SLC15A5: variants seen among roughly 807,000 people sequenced by gnomAD.
SLC15A5 encodes the protein solute carrier family 15 member 5, also known as Peptide/histidine transporter ENSP00000340402.
In SLC15A5, 58 loss-of-function variants were observed where a neutral mutation model predicts 56.1. That is an observed-to-expected ratio of 1.03 (90% CI 0.84 to 1.29). The LOEUF (loss-of-function observed/expected upper bound fraction) is 1.29. SLC15A5 is among the 50% of genes most tolerant of loss of function. SLC15A5 has a pLI of 0.00. For synonymous variants in SLC15A5, 264 were observed against 250.5 expected, an observed-to-expected ratio of 1.05 and a Z score of -0.51; for missense variants, 681 against 672.1, an observed-to-expected ratio of 1.01 and a Z score of -0.15.
At chr12:16,215,214 A>C (rs771192174) in intron 7 of SLC15A5, among the ~76,000 whole-genome samples, 1,644 of 142,098 alleles carry the variant, frequency 0.012, 42 homozygotes, top group Non-Finnish European at 0.019. Context: ...AAAAAAAAAA[A>C]AAAAAAAAAA....
intron 2 of SLC15A5, among the ~76,000 whole-genome samples, chr12:16,272,177 C>G (rs570605704): frequency 1.3e-5 from 2 of 152,216 alleles, no homozygotes; most frequent in South Asian, 4.1e-4. Context: ...GGTATTATCC[C>G]CCTTCAGAAA....
At chr12:16,239,986 C>T (rs1864397059) in intron 4 of SLC15A5, 119 bp from the exon 5 acceptor site, 1 of 943,314 alleles carries the variant, frequency 1.1e-6, no homozygotes, top group Non-Finnish European at 1.5e-6. Flanking sequence ...TGGATGTTGC[C>T]TAGTTTTTCA....
intron 7 of SLC15A5, among the ~76,000 whole-genome samples, chr12:16,210,152 A>T (rs1864064736): frequency 6.6e-6 from 1 of 152,142 alleles, no homozygotes; most frequent in Non-Finnish European, 1.5e-5. Context: ...TCTCTACCAG[A>T]AAAACCTCAT....
intron 8 of SLC15A5, among the ~76,000 whole-genome samples, chr12:16,191,136 G>A (rs1269292810): frequency 6.6e-6 from 1 of 152,072 alleles, no homozygotes; most frequent in Non-Finnish European, 1.5e-5. Context: ...TGATTGTGGA[G>A]GGGTTGTTTT....
intron 1 of SLC15A5, among the ~76,000 whole-genome samples, chr12:16,275,035 C>T (rs1016115064): frequency 6.6e-6 from 1 of 152,002 alleles, no homozygotes; most frequent in African/African-American, 2.4e-5. Context: ...TACCCCCTGC[C>T]AGGTGATGGG....
chr12:16,245,324 T>C (rs1280923614), intron 3 of SLC15A5, among the ~76,000 whole-genome samples: 1 of 152,196 alleles, frequency 6.6e-6, no homozygotes, highest in Non-Finnish European at 1.5e-5. Context: ...AAGGTTAGAC[T>C]ATGAACTCTC....
intron 2 of SLC15A5, among the ~76,000 whole-genome samples, chr12:16,264,982 G>A (rs1864679809): frequency 6.6e-6 from 1 of 152,170 alleles, no homozygotes; most frequent in Non-Finnish European, 1.5e-5. Context: ...TAGAAGAAAA[G>A]ATAAACCAGG....
chr12:16,272,625 A>G lies in SLC15A5; in HGVS notation c.520T>C (p.Cys174Arg). The G allele has an allele frequency of 6.5e-7, 1 of 1,537,018 alleles. No individual in the cohort carries two copies. Among genetic ancestry groups the G allele is most frequent in the Non-Finnish European group, 8.7e-7 (1 of 1,146,698 alleles). The change falls in exon 2 of 9, where the codon TGT becomes CGT. Residue 174 changes from cysteine (C) to arginine (R), a missense_variant. Coordinates refer to ENST00000344941, the MANE Select transcript of SLC15A5 (RefSeq NM_001170798.1). ...LGIGGVRAIV[C>R]PLGAFGLQEY... ...TGAAGGCCAAAAGCACCCAGTGGAC[A>G]GACGATGGCTCTTACGCCTCCAATG...
chr12:16,193,842 A>AGAGG (rs1863867242), intron 8 of SLC15A5, among the ~76,000 whole-genome samples: 3 of 117,524 alleles, frequency 2.6e-5, no homozygotes, highest in African/African-American at 3.5e-5. Flanking sequence ...AGAGAGAGAG[A>AGAGG]GAGGCTGGCA....
Position 16,272,555 on chromosome 12 carries a change from AC to A in SLC15A5, c.584+5del, listed in dbSNP as rs1864770895. 1 of 1,536,384 alleles carries A rather than the reference AC, an allele frequency of 6.5e-7. No homozygotes were observed. ...CCTCTTTTCTCTCCTAGCCAGTGCT[AC>A]TTACCAGTTAAAAAAAGACATCGTT... On this transcript the variant is annotated splice_donor_5th_base_variant and intron_variant, in intron 2 of 8. Coordinates refer to ENST00000344941, the MANE Select transcript of SLC15A5 (RefSeq NM_001170798.1).
chr12:16,199,144 C>T (rs1565655884), intron 7 of SLC15A5, among the ~76,000 whole-genome samples: 3 of 152,006 alleles, frequency 2.0e-5, no homozygotes, highest in Middle Eastern at 6.8e-3. Context: ...TCACCACAGC[C>T]CTTTGTTACT....
At chr12:16,276,564 G>C (rs1864823249) in intron 1 of SLC15A5, among the ~76,000 whole-genome samples, 1 of 151,964 alleles carries the variant, frequency 6.6e-6, no homozygotes. Context: ...TGTCCATCCT[G>C]TATTGCAGAA....
intron 3 of SLC15A5, among the ~76,000 whole-genome samples, chr12:16,254,503 T>A (rs1178195351): frequency 6.6e-6 from 1 of 152,162 alleles, no homozygotes; most frequent in Non-Finnish European, 1.5e-5. Context: ...GTTCTACTGG[T>A]GTTGCTGCAA....
chr12:16,224,304 C>A (rs1330956082), intron 6 of SLC15A5, 110 bp downstream of exon 6: 4 of 1,012,040 alleles, frequency 4.0e-6, no homozygotes, highest in African/African-American at 3.2e-5. Flanking sequence ...TGTGGGAACT[C>A]TCTAGGAGGT....
intron 2 of SLC15A5, among the ~76,000 whole-genome samples, chr12:16,272,006 A>G (rs1864764467): frequency 6.6e-6 from 1 of 152,132 alleles, no homozygotes; most frequent in South Asian, 2.1e-4. Flanking sequence ...TCATCTTTGC[A>G]TCTTCTCTCT....
At chr12:16,253,697 C>G (rs1158411493) in intron 3 of SLC15A5, among the ~76,000 whole-genome samples, 1 of 148,596 alleles carries the variant, frequency 6.7e-6, no homozygotes, top group African/African-American at 2.5e-5. Flanking sequence ...ATAGGGAGAC[C>G]CTGTCTTTGA....
intron 7 of SLC15A5, among the ~76,000 whole-genome samples, chr12:16,207,414 A>G (rs1250978447): frequency 6.6e-6 from 1 of 151,184 alleles, no homozygotes; most frequent in East Asian, 2.0e-4. Flanking sequence ...TTTCTTTTGC[A>G]TATTTGGAGG....
At chr12:16,250,602 A>G (rs922812134) in intron 3 of SLC15A5, among the ~76,000 whole-genome samples, 2 of 152,022 alleles carry the variant, frequency 1.3e-5, no homozygotes, top group Admixed American at 6.6e-5. Context: ...AAAGTACGCA[A>G]TGAAGATGGC....
chr12:16,246,306 G>T (rs935796194), intron 3 of SLC15A5, among the ~76,000 whole-genome samples: 1 of 152,218 alleles, frequency 6.6e-6, no homozygotes, highest in African/African-American at 2.4e-5. Flanking sequence ...TCTTAGGAAA[G>T]AAGTAATAGG....
Sources: allele counts gnomAD v4.1 joint callset (sites outside exome capture counted in the v4.1 genomes callset), GRCh38; gene constraint gnomAD v4.1.1; transcripts MANE v1.5; gene names NCBI Gene and HGNC (gene_info 2026-07-23, HGNC 2026-07-21).